Variants in MVB12B observed in about 807,000 individuals in gnomAD.
The protein encoded by MVB12B is multivesicular body subunit 12B, also known as ESCRT-I complex subunit MVB12B.
A neutral mutation model predicts 41.6 loss-of-function variants in MVB12B; 16 were observed. The observed-to-expected ratio is 0.38, with a 90% CI of 0.26 to 0.58. MVB12B has a LOEUF of 0.58. MVB12B is among the 20% of genes least tolerant of loss of function. MVB12B has a pLI of 0.62. For synonymous variants in MVB12B, 133 were observed against 139.7 expected (o/e 0.95, Z 0.34); for missense variants, 274 against 380.2 (o/e 0.72, Z 2.32).
chr9:126,341,059 G>T (rs893926539), intron 2 of MVB12B, among the ~76,000 whole-genome samples: 1 of 152,176 alleles, frequency 6.6e-6, no homozygotes, highest in Non-Finnish European at 1.5e-5. Context: ...GCTCTCTTGG[G>T]CTTTTGGAAG....
chr9:126,393,795 G>A (rs1335329495), intron 5 of MVB12B, among the ~76,000 whole-genome samples: 4 of 152,244 alleles, frequency 2.6e-5, no homozygotes, highest in South Asian at 2.1e-4. Context: ...GCTGGCAGGG[G>A]CCATGTGTTT....
At chr9:126,423,983 T>C (rs1038324786) in intron 7 of MVB12B, among the ~76,000 whole-genome samples, 4 of 152,200 alleles carry the variant, frequency 2.6e-5, no homozygotes, top group Admixed American at 6.5e-5. Flanking sequence ...CTGCTGATAA[T>C]GAAATGAATC....
chr9:126,463,668 C>T (rs933541453), intron 7 of MVB12B, among the ~76,000 whole-genome samples: 13 of 152,106 alleles, frequency 8.5e-5, no homozygotes, highest in African/African-American at 3.1e-4. Flanking sequence ...TGGCTGTCCC[C>T]TGAGGGGTCA....
chr9:126,490,438 G>C (rs1833708139), intron 9 of MVB12B, among the ~76,000 whole-genome samples: 1 of 152,188 alleles, frequency 6.6e-6, no homozygotes, highest in Non-Finnish European at 1.5e-5. Context: ...CCGGGCAGTG[G>C]AGAAGTCCGG....
Position 126,386,516 on chromosome 9 carries a change from T to G in MVB12B, c.313-46T>G, listed in dbSNP as rs1386043811. On this transcript the variant is annotated intron_variant, in intron 3 of 9. Coordinates refer to ENST00000361171, the MANE Select transcript of MVB12B (RefSeq NM_033446.3). This position sits in a 1 kb window ranked among gnomAD's most constrained non-coding sequence, Gnocchi z 4.3. ...AAGCCAAAATGGCAAACCCACCACA[T>G]GCATGTTCAGATTAATAGTCTGTAT... The G allele has an allele frequency of 5.4e-6, 8 of 1,470,730 alleles. No individual in the cohort carries two copies. The highest frequency in any genetic ancestry group is 7.6e-6 in the Non-Finnish European group (8 of 1,051,368). 91.1% of individuals were successfully genotyped at this position (1,470,730 alleles called of 1,614,324 possible). A position where few individuals can be genotyped will look rare whatever the true frequency, so the allele number is the denominator to read the frequency against.
chr9:126,340,735 C>A lies in MVB12B; in HGVS notation c.204+105C>A. On this transcript the variant is annotated intron_variant, in intron 2 of 9. Transcript: ENST00000361171. This position sits in a 1 kb window ranked among gnomAD's most constrained non-coding sequence, Gnocchi z 4.0. The stretch of plus-strand genomic sequence containing the variant: ...CTTGCGTGTAAGATGTGCTTCTTCC[C>A]TCTAGGAACTTAATCCAGGGAGGGC... The A allele has an allele frequency of 7.4e-7, 1 of 1,358,594 alleles. No individual in the cohort carries two copies. The highest frequency in any genetic ancestry group is 1.0e-6 in the Non-Finnish European group (1 of 984,236). The allele number at this position is 1,358,594 out of a possible 1,614,324, so 84.2% of individuals were successfully genotyped here.
chr9:126,376,589 G>A lies in MVB12B; in HGVS notation c.205-4475G>A, dbSNP rs940758431. 50 of 1,289,428 alleles carry A rather than the reference G, an allele frequency of 3.9e-5. No individual in the cohort carries two copies. The African/African-American group carries it at 5.6e-4, about 14-fold the overall frequency. 79.9% of individuals were successfully genotyped at this position (1,289,428 alleles called of 1,614,324 possible). On this transcript the variant is annotated intron_variant, in intron 2 of 9. Transcript: ENST00000361171. This position sits in a 1 kb window ranked among gnomAD's most constrained non-coding sequence, Gnocchi z 4.1. ...GCTTTCCAGAGACAAAGCCCTCAGTGTCCAGTGTTCAGGGGAGGCGGCTGG... is the reference window on the plus strand; with the variant it reads ...GCTTTCCAGAGACAAAGCCCTCAGTATCCAGTGTTCAGGGGAGGCGGCTGG...
chr9:126,444,886 G>A (rs1832727512), intron 7 of MVB12B, among the ~76,000 whole-genome samples: 1 of 152,132 alleles, frequency 6.6e-6, no homozygotes. Context: ...CTCTTACTGT[G>A]ATGTATTTTG....
chr9:126,387,363 G>A (rs552321187), intron 4 of MVB12B, among the ~76,000 whole-genome samples: 1 of 152,338 alleles, frequency 6.6e-6, no homozygotes, highest in South Asian at 2.1e-4. Context: ...TTACAACAGT[G>A]AAGCAATGAA....
chr9:126,369,323 T>A (rs980686102), intron 2 of MVB12B, among the ~76,000 whole-genome samples: 1 of 152,226 alleles, frequency 6.6e-6, no homozygotes, highest in African/African-American at 2.4e-5. Flanking sequence ...ATTTTTAAAA[T>A]TAAAAAGTTA....
intron 7 of MVB12B, among the ~76,000 whole-genome samples, chr9:126,443,284 T>A (rs11790799): frequency 6.6e-6 from 1 of 151,978 alleles, no homozygotes; most frequent in East Asian, 1.9e-4. Flanking sequence ...AGGGTGGACC[T>A]CCTGTCCCTC....
intron 7 of MVB12B, among the ~76,000 whole-genome samples, chr9:126,456,453 A>G (rs183459992): frequency 6.6e-6 from 1 of 152,274 alleles, no homozygotes; most frequent in Non-Finnish European, 1.5e-5. Flanking sequence ...TATATGTTAC[A>G]TCATTGCTAA....
At chr9:126,455,891 T>C (rs57527546) in intron 7 of MVB12B, among the ~76,000 whole-genome samples, 4,886 of 137,836 alleles carry the variant, frequency 0.035, 74 homozygotes, top group Non-Finnish European at 0.051. Context: ...TTCTTTCTTT[T>C]TTTTTTTTTT....
intron 4 of MVB12B, among the ~76,000 whole-genome samples, chr9:126,390,014 G>T (rs912395741): frequency 1.3e-4 from 20 of 151,764 alleles, no homozygotes; most frequent in Non-Finnish European, 2.1e-4. Flanking sequence ...TGATTTTCTT[G>T]TCCCCCTCCC....
chr9:126,428,527 T>C (rs781710269), intron 7 of MVB12B, among the ~76,000 whole-genome samples: 8 of 151,596 alleles, frequency 5.3e-5, no homozygotes, highest in Non-Finnish European at 1.0e-4. Context: ...ACCCGGGAAA[T>C]TGAAAATAAA....
chr9:126,478,873 A>C lies in MVB12B; in HGVS notation c.758-2496A>C, dbSNP rs867247359. 6.6e-6 allele frequency among the ~76,000 whole-genome samples: 1 copy of C among 152,150 alleles called. No individual in the cohort carries two copies. Among genetic ancestry groups the C allele is most frequent in the Admixed American group, 6.5e-5 (1 of 15,278 alleles). On this transcript the variant is annotated intron_variant, in intron 7 of 9. Transcript: ENST00000361171. This position sits in a 1 kb window ranked among gnomAD's most constrained non-coding sequence, Gnocchi z 4.2. ...ATACAGTGACATGTAGATAGAAACA[A>C]CTGTCACCAGTGAGAGGCAGTTCTT...
intron 2 of MVB12B, among the ~76,000 whole-genome samples, chr9:126,352,375 T>C (rs1374569332): frequency 1.3e-5 from 2 of 152,142 alleles, no homozygotes; most frequent in African/African-American, 4.8e-5. Context: ...CATGGGTGGG[T>C]GTGGGGCCAC....
chr9:126,497,219 C>T (rs1425990862), intron 9 of MVB12B, among the ~76,000 whole-genome samples: 1 of 152,060 alleles, frequency 6.6e-6, no homozygotes, highest in African/African-American at 2.4e-5. Flanking sequence ...ATGGAACCAG[C>T]GGGGCCCTTA....
intron 7 of MVB12B, among the ~76,000 whole-genome samples, chr9:126,447,832 A>G (rs928543457): frequency 2.0e-5 from 3 of 152,088 alleles, no homozygotes; most frequent in South Asian, 4.1e-4. Context: ...TTTATTTTGT[A>G]TGTTCCTATG....
Sources: gnomAD v4.1 joint callset for allele counts (sites outside exome capture counted in the v4.1 genomes callset) on GRCh38, gnomAD v4.1.1 for gene constraint, Gnocchi (gnomAD v3.1) non-coding constraint, MANE v1.5 for transcripts, NCBI Gene and HGNC (gene_info 2026-07-23, HGNC 2026-07-21) for gene names.